Variants in GNB5 observed in about 807,000 individuals in gnomAD.
The protein encoded by GNB5 is G protein subunit beta 5, also known as guanine nucleotide-binding protein subunit beta-5.
In GNB5, 37 loss-of-function variants were observed where a neutral mutation model predicts 55.3. The ratio of observed to expected loss-of-function variants is 0.67; its 90% CI spans 0.51 to 0.88. The LOEUF is 0.88. Among genes scored for constraint, GNB5 ranks in the 40% least tolerant of loss-of-function variants. The pLI, the probability that GNB5 is intolerant of heterozygous loss-of-function variation, is 0.00. For missense variants in GNB5, 476 were observed against 515.3 expected, an observed-to-expected ratio of 0.92 and a Z score of 0.74; for synonymous variants, 219 against 198.5, an observed-to-expected ratio of 1.10 and a Z score of -0.87.
At chr15:52,156,862 T>C (rs551887898) in intron 3 of GNB5, among the ~76,000 whole-genome samples, 1 of 152,326 alleles carries the variant, frequency 6.6e-6, no homozygotes, top group East Asian at 1.9e-4. Context: ...ACAAACAGCA[T>C]ATTCGTCTTT....
intron 4 of GNB5, among the ~76,000 whole-genome samples, chr15:52,151,510 C>A (rs2034096476): frequency 6.6e-6 from 1 of 152,206 alleles, no homozygotes; most frequent in African/African-American, 2.4e-5. Context: ...TACTCTCCTG[C>A]ATCTAAGCAG....
rs1388454522 is a variant in GNB5, at chr15:52,136,149, CACACACACACACACACACACACA to C, written c.628-416_628-394del. On this transcript the variant is annotated intron_variant, in intron 7 of 12. Transcript: ENST00000261837. The stretch of plus-strand genomic sequence containing the variant: ...ACACACACACACACACACACACACA[CACACACACACACACACACACACA>C]CCCTACCTGCTGTATCTGGGTTCAT... 2.8e-3 allele frequency among the ~76,000 whole-genome samples: 388 copies of C among 137,624 alleles called. 2 individuals carry two copies. Among genetic ancestry groups the C allele is most frequent in the Admixed American group, 0.012 (170 of 14,054 alleles). The allele number at this position is 137,624 out of a possible 152,430, so 90.3% of individuals were successfully genotyped here.
chr15:52,140,758 A>C (rs1012842407), intron 7 of GNB5, among the ~76,000 whole-genome samples: 6 of 152,206 alleles, frequency 3.9e-5, no homozygotes, highest in African/African-American at 1.4e-4. Flanking sequence ...CAGGACTGTA[A>C]AGTGAGATGC....
At chr15:52,126,244 T>G in intron 10 of GNB5, 200 bp from the exon 11 acceptor site, 1 of 468,316 alleles carries the variant, frequency 2.1e-6, no homozygotes, top group Non-Finnish European at 3.8e-6. Flanking sequence ...TCCTGATTCC[T>G]ATTAATCTCT....
At chr15:52,168,419 T>A (rs1421119767) in intron 3 of GNB5, among the ~76,000 whole-genome samples, 1 of 152,136 alleles carries the variant, frequency 6.6e-6, no homozygotes, top group African/African-American at 2.4e-5. Context: ...ACAAGGTAAG[T>A]GAAGGATCTC....
chr15:52,144,154 C>T (rs1403441863), intron 6 of GNB5: 1 of 152,254 alleles, frequency 6.6e-6, no homozygotes, highest in Non-Finnish European at 1.5e-5. Context: ...GGTAAGGCTG[C>T]TCTCTTCCTT....
At chr15:52,149,533 G>A (rs2034046970) in intron 5 of GNB5, 2 of 566,020 alleles carry the variant, frequency 3.5e-6, no homozygotes, top group East Asian at 2.9e-5. Flanking sequence ...AAAGAGAGGG[G>A]AGAGAGAATG....
At position 52,128,078 on chromosome 15, in the gene GNB5, A is replaced by C; in HGVS notation, c.912+118T>G. The C allele has an allele frequency of 4.9e-6, 3 of 612,686 alleles. No individual in the cohort carries two copies. The East Asian group carries it at 8.8e-5, about 18-fold the overall frequency. 38.0% of individuals were successfully genotyped at this position (612,686 alleles called of 1,614,324 possible). ...GATCAAGGTAATTTAATATTCCCCT[A>C]AATTTTCTTTATTGAATACTCGTTA... On this transcript the variant is annotated intron_variant, in intron 10 of 12. Transcript: ENST00000261837.
intron 3 of GNB5, among the ~76,000 whole-genome samples, chr15:52,164,876 G>T (rs1010962356): frequency 6.6e-6 from 1 of 152,172 alleles, no homozygotes; most frequent in Non-Finnish European, 1.5e-5. Flanking sequence ...GGAAGTGACA[G>T]AAGTAGGCTT....
Position 52,177,989 on chromosome 15 carries a change from CCT to C in GNB5, c.238+1777_238+1778del, listed in dbSNP as rs1172636976. Among the ~76,000 whole-genome samples, 11 of 152,338 alleles carry C rather than the reference CCT, an allele frequency of 7.2e-5. 1 individual carries two copies. The highest frequency in any genetic ancestry group is 2.6e-4 in the African/African-American group (11 of 41,564). ...TCTTTTGGATTGACTACATTTGCCC[CCT>C]GAGGTTCCCTTTGAAAAGCTGCATC... On this transcript the variant is annotated intron_variant, in intron 3 of 12. Coordinates refer to ENST00000261837, the MANE Select transcript of GNB5 (RefSeq NM_016194.4).
Position 52,167,434 on chromosome 15 carries a change from C to T in GNB5, c.238+12334G>A, listed in dbSNP as rs552603731. Among the ~76,000 whole-genome samples, 205 of 152,268 alleles carry T rather than the reference C, an allele frequency of 1.3e-3. 1 individual carries two copies. Among genetic ancestry groups the T allele is most frequent in the Non-Finnish European group, 2.3e-3 (158 of 68,000 alleles). ...TCTGTAATCCCAGCACTTTGGGAGGCTGAGGCGGGTGGATCACCTGAGGTC... is the reference window on the plus strand; with the variant it reads ...TCTGTAATCCCAGCACTTTGGGAGGTTGAGGCGGGTGGATCACCTGAGGTC... On this transcript the variant is annotated intron_variant, in intron 3 of 12. Coordinates refer to ENST00000261837, the MANE Select transcript of GNB5 (RefSeq NM_016194.4).
At position 52,154,055 on chromosome 15, in the gene GNB5, A is replaced by T; in HGVS notation, c.260T>A (p.Val87Glu). 6.2e-7 allele frequency: 1 copy of T among 1,613,966 alleles called. No individual in the cohort carries two copies. The highest frequency in any genetic ancestry group is 1.3e-5 in the African/African-American group (1 of 75,012). Residue 87 changes from valine to glutamate, a missense_variant, in exon 4 of 13, where the codon GTG becomes GAG. Transcript: ENST00000261837. ...CATGACAAACTGCCCCAGGGCCTCCACCCGCTCCGCCACCTGGTGCACTGG... is the reference window on the plus strand; with the variant it reads ...CATGACAAACTGCCCCAGGGCCTCCTCCCGCTCCGCCACCTGGTGCACTGG... The part of the protein sequence containing the change: ...DVELHQVAER[V>E]EALGQFVMKT...
intron 3 of GNB5, among the ~76,000 whole-genome samples, chr15:52,169,616 T>TAAAGAGG (rs1342739916): frequency 9.7e-6 from 1 of 103,562 alleles, no homozygotes; most frequent in East Asian, 2.8e-4. Context: ...AGAAAAGAGG[T>TAAAGAGG]AAAGAGGAAA....
rs1364956158 is a variant in GNB5 at position 52,121,461 on chromosome 15, T to G, written c.*1296A>C. On this transcript the variant is annotated 3_prime_UTR_variant, in exon 13 of 13. Transcript: ENST00000261837. ...GGATCCTATAACAAAAAGCACTTCC[T>G]TCTTCTAGAAGGAATTCTGAGTCTC... is the stretch of plus-strand genomic sequence containing the variant. 1 of 152,212 alleles carries G rather than the reference T, an allele frequency of 6.6e-6. No individual in the cohort carries two copies. The highest frequency in any genetic ancestry group is 1.5e-5 in the Non-Finnish European group (1 of 68,032). The allele number at this position is 152,212 out of a possible 1,614,324, so 9.4% of individuals were successfully genotyped here.
chr15:52,155,070 A>T (rs975341777), intron 3 of GNB5, among the ~76,000 whole-genome samples: 7 of 152,182 alleles, frequency 4.6e-5, no homozygotes, highest in Non-Finnish European at 1.0e-4. Flanking sequence ...CAGGGATCCC[A>T]TGGCCACTCT....
At chr15:52,189,874 A>AGAC (rs1181810949) in intron 1 of GNB5, among the ~76,000 whole-genome samples, 1 of 152,138 alleles carries the variant, frequency 6.6e-6, no homozygotes, top group African/African-American at 2.4e-5. Flanking sequence ...AAATCCATAG[A>AGAC]GACATGAAGC....
chr15:52,121,014 C>G lies in GNB5; in HGVS notation c.*1743G>C, dbSNP rs1180536910. The G allele has an allele frequency of 6.6e-6, 1 of 152,270 alleles. No homozygotes were observed. Among genetic ancestry groups the G allele is most frequent in the African/African-American group, 2.4e-5 (1 of 41,464 alleles). 9.4% of individuals were successfully genotyped at this position (152,270 alleles called of 1,614,324 possible). On this transcript the variant is annotated 3_prime_UTR_variant, in exon 13 of 13. Coordinates refer to ENST00000261837, the MANE Select transcript of GNB5 (RefSeq NM_016194.4). ...TGATTTTGGACCGAGTGGCCCATCA[C>G]GATACCTGAACAAGCAGTTGTGAGG...
At chr15:52,134,693 G>A (rs2033657878) in intron 8 of GNB5, among the ~76,000 whole-genome samples, 1 of 152,186 alleles carries the variant, frequency 6.6e-6, no homozygotes, top group African/African-American at 2.4e-5. Context: ...TCCCAGGATC[G>A]ATATGTGGGC....
Position 52,133,378 on chromosome 15 carries a change from C to A in GNB5, c.863G>T (p.Arg288Leu), listed in dbSNP as rs755832695. 3 of 1,587,366 alleles carry A rather than the reference C, an allele frequency of 1.9e-6. No individual in the cohort carries two copies. The highest frequency in any genetic ancestry group is 2.6e-6 in the Non-Finnish European group (3 of 1,155,648). ...TGGCATGAACATTCTACTCACTGAC[C>A]GGACACTGTTGATGTCAGATTCATG... ...ETHESDINSV[R>L]YYPSGDAFAS... The change falls in exon 9 of 13, where the codon CGG becomes CTG. Residue 288 changes from arginine (R) to leucine (L), a missense_variant and splice_region_variant. Arg to Leu is a moderately radical substitution (Grantham distance 102). Transcript: ENST00000261837.
Sources: gnomAD v4.1 joint callset for allele counts (sites outside exome capture counted in the v4.1 genomes callset) on GRCh38, gnomAD v4.1.1 for gene constraint, MANE v1.5 for transcripts, NCBI Gene and HGNC (gene_info 2026-07-23, HGNC 2026-07-21) for gene names.